NALF1: variants seen among roughly 807,000 people sequenced by gnomAD.
NALF1 encodes the protein family with sequence similarity 155 member A.
A neutral mutation model predicts 48.4 loss-of-function variants in NALF1; 3 were observed. That is an observed-to-expected ratio of 0.06 (90% CI 0.03 to 0.16). NALF1 has a LOEUF of 0.16. NALF1 is among the 10% of genes least tolerant of loss of function. NALF1 has a pLI of 1.00. For synonymous variants in NALF1, 262 were observed against 245.7 expected (o/e 1.07, Z -0.62); for missense variants, 526 against 571.5 (o/e 0.92, Z 0.81).
intron 1 of NALF1, among the ~76,000 whole-genome samples, chr13:107,750,870 C>T (rs988742938): frequency 2.0e-5 from 3 of 152,158 alleles, no homozygotes; most frequent in Non-Finnish European, 4.4e-5. Flanking sequence ...ACTGCCCTCC[C>T]CAACCCTGCC....
At chr13:107,479,782 G>A (rs1341488927) in intron 1 of NALF1, among the ~76,000 whole-genome samples, 1 of 152,136 alleles carries the variant, frequency 6.6e-6, no homozygotes, top group Non-Finnish European at 1.5e-5. Context: ...TGAAATGTAT[G>A]ACAGACATAT....
At chr13:107,588,379 C>T (rs1878515277) in intron 1 of NALF1, among the ~76,000 whole-genome samples, 1 of 152,038 alleles carries the variant, frequency 6.6e-6, no homozygotes, top group African/African-American at 2.4e-5. Context: ...GAGACTGTGA[C>T]AACTTGGATA....
At chr13:107,455,941 G>T (rs1884817687) in intron 1 of NALF1, among the ~76,000 whole-genome samples, 1 of 151,678 alleles carries the variant, frequency 6.6e-6, no homozygotes, top group Non-Finnish European at 1.5e-5. Context: ...TATTTTGGTT[G>T]TTTAATGGCT....
chr13:107,519,149 C>T (rs1378977144), intron 1 of NALF1, among the ~76,000 whole-genome samples: 1 of 151,946 alleles, frequency 6.6e-6, no homozygotes, highest in Non-Finnish European at 1.5e-5. Context: ...TACAATCAGT[C>T]ACAACTTACA....
chr13:107,709,327 G>T (rs1875498905), intron 1 of NALF1, among the ~76,000 whole-genome samples: 1 of 152,178 alleles, frequency 6.6e-6, no homozygotes, highest in Admixed American at 6.5e-5. Context: ...TGGGGCATGG[G>T]CATTTGTTCA....
At chr13:107,588,078 T>G (rs1293770178) in intron 1 of NALF1, among the ~76,000 whole-genome samples, 1 of 152,138 alleles carries the variant, frequency 6.6e-6, no homozygotes, top group African/African-American at 2.4e-5. Context: ...TGAAGGACTG[T>G]TCTCACAATT....
At chr13:107,586,618 A>G (rs372396663) in intron 1 of NALF1, among the ~76,000 whole-genome samples, 9 of 109,110 alleles carry the variant, frequency 8.2e-5, no homozygotes, top group South Asian at 3.1e-4. Context: ...GCCTACATTT[A>G]AAGCTCCCCT....
intron 1 of NALF1, among the ~76,000 whole-genome samples, chr13:107,354,620 G>A (rs375524940): frequency 6.4e-4 from 97 of 152,254 alleles, no homozygotes; most frequent in African/African-American, 2.2e-3. Flanking sequence ...GGGGACAAGA[G>A]CCAAACCTTA....
chr13:107,634,806 T>C (rs562199064), intron 1 of NALF1, among the ~76,000 whole-genome samples: 5 of 152,196 alleles, frequency 3.3e-5, no homozygotes, highest in East Asian at 1.9e-4. Context: ...AAAAATGCAG[T>C]GTTGATGTCA....
intron 1 of NALF1, among the ~76,000 whole-genome samples, chr13:107,312,269 G>A (rs1882061199): frequency 6.6e-6 from 1 of 152,142 alleles, no homozygotes; most frequent in Non-Finnish European, 1.5e-5. Flanking sequence ...CATGTCCTTT[G>A]TAGGGACATG....
chr13:107,196,051 A>G (rs1879383815), intron 2 of NALF1, among the ~76,000 whole-genome samples: 1 of 152,148 alleles, frequency 6.6e-6, no homozygotes, highest in African/African-American at 2.4e-5. Flanking sequence ...AACACAGGAA[A>G]AGAAAACCAA....
intron 1 of NALF1, among the ~76,000 whole-genome samples, chr13:107,414,328 T>C (rs1463513040): frequency 6.6e-6 from 1 of 151,558 alleles, no homozygotes; most frequent in Non-Finnish European, 1.5e-5. Flanking sequence ...TTTTCTTTCT[T>C]TCCCTAACTC....
rs186458136 is a variant in NALF1 at position 107,394,015 on chromosome 13, C to T, written c.916-183260G>A. ...GGTAGCTGAGGAAGTAGTGTTAAAACGTATAGGAAGTAAGTAATCAACTGG... is the reference window on the plus strand; with the variant it reads ...GGTAGCTGAGGAAGTAGTGTTAAAATGTATAGGAAGTAAGTAATCAACTGG... On this transcript the variant is annotated intron_variant, in intron 1 of 2. Transcript: ENST00000375915. 1.4e-4 allele frequency among the ~76,000 whole-genome samples: 22 copies of T among 152,186 alleles called. No individual in the cohort carries two copies. The East Asian group carries it at 3.9e-3, about 27-fold the overall frequency.
chr13:107,295,983 A>C (rs2138887370), intron 1 of NALF1, among the ~76,000 whole-genome samples: 1 of 152,354 alleles, frequency 6.6e-6, no homozygotes, highest in South Asian at 2.1e-4. Context: ...GGAATTGAAG[A>C]AAAATGCTTG....
chr13:107,615,576 C>T (rs1260263527), intron 1 of NALF1, among the ~76,000 whole-genome samples: 1 of 152,152 alleles, frequency 6.6e-6, no homozygotes, highest in Non-Finnish European at 1.5e-5. Flanking sequence ...AGGTCATAAC[C>T]TGGAGTGTGT....
In NALF1 at chr13:107,166,032, G is replaced by GTGTC. The variant is rs1878651573; in HGVS notation, c.*4464_*4465insGACA. On this transcript the variant is annotated 3_prime_UTR_variant, in exon 3 of 3. Transcript: ENST00000375915. The stretch of plus-strand genomic sequence containing the variant: ...TGTGTGTGTGTGTGTGTGTGTGTGT[G>GTGTC]TGTGTGTGTATGTATATATATCTTT... 1 of 152,428 alleles carries GTGTC rather than the reference G, an allele frequency of 6.6e-6. No individual in the cohort carries two copies. The highest frequency in any genetic ancestry group is 2.4e-5 in the African/African-American group (1 of 41,392). The allele number at this position is 152,428 out of a possible 1,614,324, so 9.4% of individuals were successfully genotyped here.
intron 1 of NALF1, among the ~76,000 whole-genome samples, chr13:107,369,443 T>G (rs1594140564): frequency 6.6e-6 from 1 of 152,178 alleles, no homozygotes; most frequent in East Asian, 1.9e-4. Flanking sequence ...TTTCATTATG[T>G]ATACATCTGT....
intron 1 of NALF1, among the ~76,000 whole-genome samples, chr13:107,802,880 C>T (rs914121682): frequency 6.6e-6 from 1 of 152,054 alleles, no homozygotes; most frequent in Non-Finnish European, 1.5e-5. Context: ...TGATAATTTA[C>T]TTAATAGCCC....
chr13:107,440,462 T>C (rs1884538639), intron 1 of NALF1, among the ~76,000 whole-genome samples: 1 of 152,212 alleles, frequency 6.6e-6, no homozygotes, highest in African/African-American at 2.4e-5. Context: ...TTACTTAGCA[T>C]CACTCTATGT....
Sources: gnomAD v4.1 joint callset for allele counts (sites outside exome capture counted in the v4.1 genomes callset) on GRCh38, gnomAD v4.1.1 for gene constraint, MANE v1.5 for transcripts, NCBI Gene and HGNC (gene_info 2026-07-23, HGNC 2026-07-21) for gene names.